Variants in TVP23C observed in about 807,000 individuals in gnomAD.
TVP23C encodes the protein Golgi apparatus membrane protein TVP23 homolog C.
TVP23C carries 19 observed loss-of-function variants against 28.7 expected under a neutral mutation model. That is an observed-to-expected ratio of 0.66 (90% CI 0.46 to 0.97). The LOEUF is 0.97. Ranked by LOEUF, TVP23C falls within the 50% of genes least tolerant of loss-of-function variation. TVP23C has a pLI of 0.00. For synonymous variants in TVP23C, 68 were observed against 81.7 expected (o/e 0.83, Z 0.90); for missense variants, 186 against 241.3 (o/e 0.77, Z 1.52).
chr17:15,520,905 A>G (rs1369793491), intron 5 of TVP23C, among the ~76,000 whole-genome samples: 1 of 151,844 alleles, frequency 6.6e-6, no homozygotes, highest in Non-Finnish European at 1.5e-5. Flanking sequence ...CAAAAATCCT[A>G]AAGTATATAC....
intron 5 of TVP23C, among the ~76,000 whole-genome samples, chr17:15,519,481 TACACACACACAC>T (rs3031137): frequency 2.8e-5 from 4 of 142,828 alleles, no homozygotes; most frequent in South Asian, 2.3e-4. Context: ...CAAATAAATA[TACACACACACAC>T]ACACACACAC....
chr17:15,542,299 T>C (rs140902367), intron 5 of TVP23C, among the ~76,000 whole-genome samples: 12,010 of 151,998 alleles, frequency 0.079, 587 homozygotes, highest in African/African-American at 0.13. Flanking sequence ...CAGCTGGCCA[T>C]AGTGGTGCCA....
chr17:15,508,615 C>G (rs1981872223), intron 5 of TVP23C, among the ~76,000 whole-genome samples: 1 of 152,218 alleles, frequency 6.6e-6, no homozygotes, highest in Non-Finnish European at 1.5e-5. Context: ...GTGCTTCTCA[C>G]CATACCCAAA....
chr17:15,506,279 G>A (rs1323196335), intron 5 of TVP23C, among the ~76,000 whole-genome samples: 1 of 151,836 alleles, frequency 6.6e-6, no homozygotes, highest in Non-Finnish European at 1.5e-5. Flanking sequence ...AGCTGCTCTG[G>A]TGGGGCCTTG....
chr17:15,540,581 T>G lies in TVP23C; in HGVS notation c.463-20A>C. The G allele has an allele frequency of 6.2e-7, 1 of 1,610,922 alleles. No individual in the cohort carries two copies. Among genetic ancestry groups the G allele is most frequent in the Non-Finnish European group, 8.5e-7 (1 of 1,178,092 alleles). The stretch of plus-strand genomic sequence containing the variant: ...CACCGCCTGGGACAAGGGAAAAAAA[T>G]AATCAACGGTTACTGGCCTGAAATT... On this transcript the variant is annotated intron_variant, in intron 5 of 5. Coordinates refer to ENST00000518321, the MANE Select transcript of TVP23C (RefSeq NM_001135036.2).
chr17:15,551,990 G>A (rs1382461939), intron 3 of TVP23C, among the ~76,000 whole-genome samples: 4 of 151,806 alleles, frequency 2.6e-5, no homozygotes, highest in Admixed American at 2.6e-4. Context: ...AGGATAAAAG[G>A]GTGCCATTTT....
rs771200592 is a variant in TVP23C at position 15,547,068 on chromosome 17, T to C, written c.321A>G (p.Glu107=). Residue 107 remains glutamate, a synonymous_variant, in exon 4 of 6, where the codon GAA becomes GAG. Coordinates refer to ENST00000518321, the MANE Select transcript of TVP23C (RefSeq NM_001135036.2). ...AAAAAAGGCACTTTACCTTTCTAGA[T>C]TCAAACACCCAATGGCTCTTTCCAT... ...DEDGKSHWVF[E]SRKESSQENK... The C allele has an allele frequency of 2.5e-6, 4 of 1,595,304 alleles. No homozygotes were observed. Among genetic ancestry groups the C allele is most frequent in the Admixed American group, 1.8e-5 (1 of 55,450 alleles).
chr17:15,529,765 A>T (rs1982876645), intron 5 of TVP23C, among the ~76,000 whole-genome samples: 1 of 152,012 alleles, frequency 6.6e-6, no homozygotes, highest in Non-Finnish European at 1.5e-5. Flanking sequence ...TGTAGACAAC[A>T]TATAGTTGGA....
rs1355470822 is a variant in TVP23C at position 15,539,480 on chromosome 17, G to A, written c.*932C>T. 7 of 416,186 alleles carry A rather than the reference G, an allele frequency of 1.7e-5. No homozygotes were observed. The highest frequency in any genetic ancestry group is 2.3e-5 in the Non-Finnish European group (7 of 310,138). The allele number at this position is 416,186 out of a possible 1,614,324, so 25.8% of individuals were successfully genotyped here. A position where few individuals can be genotyped will look rare whatever the true frequency, so the allele number is the denominator to read the frequency against. On this transcript the variant is annotated 3_prime_UTR_variant, in exon 6 of 6. Coordinates refer to ENST00000518321, the MANE Select transcript of TVP23C (RefSeq NM_001135036.2). ...AAAGCCAGGCGTGGTGGCGGCGCCT[G>A]TAGTCCCAGCTACTCGGGAGGCTGA...
chr17:15,563,265 A>G lies in TVP23C; in HGVS notation c.12+172T>C, dbSNP rs893408934. 34 of 1,293,622 alleles carry G rather than the reference A, an allele frequency of 2.6e-5. No homozygotes were observed. In the African/African-American group the frequency reaches 4.8e-4, roughly 18 times the overall value. 80.1% of individuals were successfully genotyped at this position (1,293,622 alleles called of 1,614,324 possible). A position where few individuals can be genotyped will look rare whatever the true frequency, so the allele number is the denominator to read the frequency against. On this transcript the variant is annotated intron_variant, in intron 1 of 5. Transcript: ENST00000518321. ...GGGTCACGCCTCCCCCAGCGGCCTC[A>G]GAACCCCCAGCAGCCCTCCTCAGAC...
chr17:15,508,240 G>A (rs1981850881), intron 5 of TVP23C, among the ~76,000 whole-genome samples: 1 of 152,144 alleles, frequency 6.6e-6, no homozygotes, highest in Non-Finnish European at 1.5e-5. Context: ...ACCTGACCCT[G>A]GTGTACTCTG....
In TVP23C at chr17:15,527,346, C is replaced by A. The variant is rs530989058; in HGVS notation, c.462+18439G>T. On this transcript the variant is annotated intron_variant, in intron 5 of 5. Coordinates refer to the TVP23C transcript ENST00000225576. The stretch of plus-strand genomic sequence containing the variant: ...TTACTTCTATCATCTTTAACTTGTT[C>A]TAAACAAAATAAAAAATAAAATGAA... Among the ~76,000 whole-genome samples, 29 of 151,748 alleles carry A rather than the reference C, an allele frequency of 1.9e-4. No individual in the cohort carries two copies. In the South Asian group the frequency reaches 2.9e-3, roughly 15 times the overall value.
At chr17:15,504,568 A>AT (rs1981638336) in intron 5 of TVP23C, among the ~76,000 whole-genome samples, 2 of 138,774 alleles carry the variant, frequency 1.4e-5, no homozygotes, top group African/African-American at 6.0e-5. Context: ...TAATAAAGAC[A>AT]ATTTTTTTTT....
intron 5 of TVP23C, among the ~76,000 whole-genome samples, chr17:15,508,892 G>A (rs150241182): frequency 2.0e-5 from 3 of 152,280 alleles, no homozygotes; most frequent in Admixed American, 6.5e-5. Context: ...GGTAAACTAG[G>A]GGCACTTGCC....
At chr17:15,513,900 A>G (rs776915573) in intron 5 of TVP23C, among the ~76,000 whole-genome samples, 4 of 152,256 alleles carry the variant, frequency 2.6e-5, no homozygotes, top group Non-Finnish European at 4.4e-5. Flanking sequence ...AGCATAGGGC[A>G]GAAGAAGCTG....
chr17:15,538,971 A>G lies in TVP23C; in HGVS notation c.*1441T>C, dbSNP rs899873291. ...GAGAGAAACTGTACAGTAGAATAAA[A>G]AGAACAATAAATTTTGAGTACAGAG... On this transcript the variant is annotated 3_prime_UTR_variant, in exon 6 of 6. Transcript: ENST00000518321. The G allele has an allele frequency of 4.5e-5, 44 of 985,684 alleles. No homozygotes were observed. The highest frequency in any genetic ancestry group is 5.2e-5 in the African/African-American group (3 of 57,232). 61.1% of individuals were successfully genotyped at this position (985,684 alleles called of 1,614,324 possible).
At chr17:15,534,611 A>ACC (rs34726957), downstream of TVP23C, among the ~76,000 whole-genome samples, 9 of 115,888 alleles carry the variant, frequency 7.8e-5, no homozygotes, top group East Asian at 2.2e-4. Context: ...ACACACACAC[A>ACC]CCCTTACCTA....
intron 5 of TVP23C, chr17:15,503,379 T>G (rs528883512): frequency 2.0e-6 from 2 of 1,013,190 alleles, no homozygotes; most frequent in African/African-American, 3.3e-5. Flanking sequence ...CACTCCAGCC[T>G]GGGCGACAGA....
intron 1 of TVP23C, among the ~76,000 whole-genome samples, chr17:15,557,799 T>C (rs1279603866): frequency 7.1e-5 from 10 of 140,696 alleles, no homozygotes; most frequent in Admixed American, 2.2e-4. Flanking sequence ...CTGGAGAAGC[T>C]TTCTGGAGGA....
Sources: gnomAD v4.1 joint callset for allele counts (sites outside exome capture counted in the v4.1 genomes callset) on GRCh38, gnomAD v4.1.1 for gene constraint, MANE v1.5 for transcripts, NCBI Gene and HGNC (gene_info 2026-07-23, HGNC 2026-07-21) for gene names.